The following PTBP1 variants were observed in gnomAD, a reference collection of about 807,000 sequenced individuals.
PTBP1 encodes the protein polypyrimidine tract binding protein 1, also known as polypyrimidine tract-binding protein 1.
In PTBP1, 8 loss-of-function variants were observed where a neutral mutation model predicts 59.8. The observed-to-expected ratio is 0.13, with a 90% confidence interval of 0.08 to 0.24. The LOEUF (loss-of-function observed/expected upper bound fraction) is 0.24, where lower values mean the gene tolerates loss of function less well. Ranked by LOEUF, PTBP1 falls within the 10% of genes least tolerant of loss-of-function variation. PTBP1 has a pLI of 1.00. For missense variants in PTBP1, 686 were observed against 767.0 expected (o/e 0.89, Z 1.25); for synonymous variants, 490 against 320.7 (o/e 1.53, Z -5.64).
intron 10 of PTBP1, chr19:807,638 G>T: frequency 2.1e-6 from 1 of 479,810 alleles, no homozygotes; most frequent in Non-Finnish European, 3.7e-6. Context: ...TCCTGTTGTT[G>T]CTTGAAACAA....
chr19:810,148 A>C (rs2034787020), intron 13 of PTBP1, among the ~76,000 whole-genome samples: 1 of 152,216 alleles, frequency 6.6e-6, no homozygotes, highest in Admixed American at 6.5e-5. Context: ...CTCTACTAAA[A>C]ATAAAAAAAT....
At chr19:799,539 G>A (rs1476552002) in intron 2 of PTBP1, 96 bp downstream of exon 2, 5 of 1,260,040 alleles carry the variant, frequency 4.0e-6, no homozygotes, top group Admixed American at 1.7e-5. Flanking sequence ...GCTAGAGGGC[G>A]CTTTTCCATT....
chr19:807,805 C>G, intron 10 of PTBP1, 64 bp from the exon 11 acceptor site: 1 of 1,337,268 alleles, frequency 7.5e-7, no homozygotes, highest in Non-Finnish European at 1.1e-6. Context: ...CGATTGGCAA[C>G]TCGCCCCCCT....
chr19:802,798 A>G (rs1371491455), intron 2 of PTBP1, among the ~76,000 whole-genome samples: 1 of 152,210 alleles, frequency 6.6e-6, no homozygotes, highest in Non-Finnish European at 1.5e-5. Context: ...TCCTGAGCCT[A>G]GGATCAGTCT....
chr19:806,583 C>T (rs1211348858), intron 10 of PTBP1, 27 bp downstream of exon 10: 6 of 1,472,092 alleles, frequency 4.1e-6, no homozygotes, highest in African/African-American at 1.5e-5. Flanking sequence ...TCCGCGCCGC[C>T]GTTCCTCCCG....
chr19:800,502 AG>A (rs766995688), intron 2 of PTBP1, among the ~76,000 whole-genome samples: 136 of 152,144 alleles, frequency 8.9e-4, no homozygotes, highest in Admixed American at 1.6e-3. Flanking sequence ...TTGTGGGTTG[AG>A]GGGGCTCCCG....
intron 9 of PTBP1, chr19:805,907 G>T (rs2034541712): frequency 2.8e-6 from 1 of 362,070 alleles, no homozygotes; most frequent in African/African-American, 2.1e-5. Flanking sequence ...GGCCTGGTAA[G>T]CGCGCGGCCC....
intron 2 of PTBP1, among the ~76,000 whole-genome samples, chr19:802,782 C>T (rs537945108): frequency 6.6e-6 from 1 of 152,340 alleles, no homozygotes; most frequent in South Asian, 2.1e-4. Flanking sequence ...GGGGGGATGT[C>T]TGCCGTCCTG....
chr19:806,210 G>A (rs1056077022), intron 9 of PTBP1, 198 bp from the exon 10 acceptor site: 3 of 526,222 alleles, frequency 5.7e-6, no homozygotes, highest in African/African-American at 4.1e-5. Context: ...TGTGAGGAGA[G>A]GCGGGCGCTG....
At chr19:805,839 G>T (rs1350971175) in intron 9 of PTBP1, 2 of 488,054 alleles carry the variant, frequency 4.1e-6, no homozygotes, top group African/African-American at 2.0e-5. Context: ...AAGCACCTCC[G>T]GGCGAGCGCG....
chr19:804,266 C>G (rs377395434), intron 4 of PTBP1, 26 bp from the exon 5 acceptor site: 5 of 1,612,694 alleles, frequency 3.1e-6, no homozygotes, highest in Non-Finnish European at 4.2e-6. Flanking sequence ...ACGAGGAGGG[C>G]CCAGCGCTCA....
chr19:804,176 A>T lies in PTBP1; in HGVS notation c.256A>T (p.Thr86Ser). 1.9e-6 allele frequency: 3 copies of T among 1,610,278 alleles called. No homozygotes were observed. The highest frequency in any genetic ancestry group is 2.5e-6 in the Non-Finnish European group (3 of 1,177,634). ...CCTGGGGCTGCCCTTTGGGAAGGTC[A>T]CCAACCTCCTGATGCTGAAGGGGAA... ...ISLGLPFGKV[T>S]NLLMLKGKNQ... is the part of the protein sequence containing the mutation. The change falls in exon 4 of 15, where the codon ACC becomes TCC. Residue 86 changes from threonine (T) to serine (S), a missense_variant. Transcript: ENST00000356948.
chr19:801,941 G>A (rs764611968), intron 2 of PTBP1, among the ~76,000 whole-genome samples: 2 of 152,194 alleles, frequency 1.3e-5, no homozygotes, highest in African/African-American at 4.8e-5. Context: ...GTGTCCGGCC[G>A]GAACCTCAGG....
chr19:811,651 C>G lies in PTBP1; in HGVS notation c.*825C>G, dbSNP rs1165428853. On this transcript the variant is annotated 3_prime_UTR_variant, in exon 15 of 15. Transcript: ENST00000356948. The stretch of plus-strand genomic sequence containing the variant: ...CCTTGTAATTAAGTCACAGGCAGGA[C>G]CCAGTTTCCAGAGAGCAGGCGGGGC... 2 of 152,362 alleles carry G rather than the reference C, an allele frequency of 1.3e-5. No homozygotes were observed. Among genetic ancestry groups the G allele is most frequent in the Non-Finnish European group, 2.9e-5 (2 of 68,032 alleles). The allele number at this position is 152,362 out of a possible 1,614,324, so 9.4% of individuals were successfully genotyped here. A position where few individuals can be genotyped will look rare whatever the true frequency, so the allele number is the denominator to read the frequency against.
At chr19:805,213 A>G in intron 8 of PTBP1, 26 bp downstream of exon 8, 1 of 1,610,326 alleles carries the variant, frequency 6.2e-7, no homozygotes, top group South Asian at 1.1e-5. Flanking sequence ...ACGCGGCGCC[A>G]GTGTGCAGAG....
chr19:806,671 C>A lies in PTBP1; in HGVS notation c.1119+115C>A, dbSNP rs565347716. The A allele has an allele frequency of 1.2e-5, 12 of 1,026,822 alleles. No homozygotes were observed. The South Asian group carries it at 1.6e-4, about 14-fold the overall frequency. 63.6% of individuals were successfully genotyped at this position (1,026,822 alleles called of 1,614,324 possible). ...CCCCTCGCTGTGTCTGCGCCTCTGCCCTGGCAGCCCCTCTGCTGCAGCGCT... is the reference window on the plus strand; with the variant it reads ...CCCCTCGCTGTGTCTGCGCCTCTGCACTGGCAGCCCCTCTGCTGCAGCGCT... On this transcript the variant is annotated intron_variant, in intron 10 of 14. Coordinates refer to ENST00000356948, the MANE Select transcript of PTBP1 (RefSeq NM_002819.5).
intron 2 of PTBP1, among the ~76,000 whole-genome samples, chr19:800,827 C>T (rs1451993449): frequency 6.6e-6 from 1 of 152,210 alleles, no homozygotes. Flanking sequence ...GAGTGGCCCT[C>T]AGCTTCCATC....
At position 797,709 on chromosome 19, in the gene PTBP1, G is replaced by A. The variant is rs1489457345; in HGVS notation, c.8+204G>A. On this transcript the variant is annotated intron_variant, in intron 1 of 14. Transcript: ENST00000356948. ...GGGTCTGGCCGCGTCCCCATCCCCC[G>A]TCCGGCCCGCTTCCGGCCCCCGCGC... 4.3e-5 allele frequency among the ~76,000 whole-genome samples: 6 copies of A among 141,080 alleles called. 1 individual carries two copies. Among genetic ancestry groups the A allele is most frequent in the South Asian group, 5.0e-4 (2 of 4,030 alleles). 92.6% of individuals were successfully genotyped at this position (141,080 alleles called of 152,430 possible). A position where few individuals can be genotyped will look rare whatever the true frequency, so the allele number is the denominator to read the frequency against.
chr19:809,691 C>A (rs1375055694), intron 13 of PTBP1, among the ~76,000 whole-genome samples: 1 of 152,134 alleles, frequency 6.6e-6, no homozygotes, highest in East Asian at 1.9e-4. Flanking sequence ...AGAGTTAAGA[C>A]CAGCCTGAGC....
Sources: allele counts gnomAD v4.1 joint callset (sites outside exome capture counted in the v4.1 genomes callset), GRCh38; gene constraint gnomAD v4.1.1; transcripts MANE v1.5; gene names NCBI Gene and HGNC (gene_info 2026-07-23, HGNC 2026-07-21).